Variants in SUCLG2 observed in about 807,000 individuals in gnomAD.
The protein encoded by SUCLG2 is succinate-CoA ligase GDP-forming subunit beta.
In SUCLG2, 42 loss-of-function variants were observed where a neutral mutation model predicts 47.9. That is an observed-to-expected ratio of 0.88 (90% CI 0.69 to 1.14). SUCLG2 has a LOEUF of 1.14. SUCLG2 is among the 50% of genes most tolerant of loss of function. SUCLG2 has a pLI of 0.00. For missense variants in SUCLG2, 571 were observed against 525.9 expected (o/e 1.09, Z -0.84); for synonymous variants, 195 against 197.3 (o/e 0.99, Z 0.10).
At chr3:67,505,699 C>T (rs1705617498) in intron 7 of SUCLG2, among the ~76,000 whole-genome samples, 1 of 152,182 alleles carries the variant, frequency 6.6e-6, no homozygotes, top group South Asian at 2.1e-4. Flanking sequence ...CAATGGATCA[C>T]ACCTGTAATC....
At chr3:67,641,543 T>G (rs868172717) in intron 1 of SUCLG2, among the ~76,000 whole-genome samples, 2 of 152,232 alleles carry the variant, frequency 1.3e-5, no homozygotes, top group African/African-American at 2.4e-5. Context: ...CACACCCACG[T>G]TGTCTCAATG....
chr3:67,626,116 T>C (rs911820115), intron 1 of SUCLG2, among the ~76,000 whole-genome samples: 1 of 151,378 alleles, frequency 6.6e-6, no homozygotes, highest in African/African-American at 2.4e-5. Flanking sequence ...GCCTCCCGGG[T>C]TCACGCCATT....
rs78677657 is a variant in SUCLG2 at position 67,479,714 on chromosome 3, G to A, written c.1062+16084C>T. Among the ~76,000 whole-genome samples the A allele has an allele frequency of 7.8e-3, 1,192 of 152,292 alleles. 18 individuals carry two copies. The highest frequency in any genetic ancestry group is 0.027 in the African/African-American group (1,125 of 41,562). On this transcript the variant is annotated intron_variant, in intron 9 of 10. Coordinates refer to ENST00000307227, the MANE Select transcript of SUCLG2 (RefSeq NM_003848.4). Reference sequence around the variant, plus strand: ...AAGAAGCAGTTGATGGTAACTTAACGGGGACAAAAATGAATTAGATCTACC... The same window carrying A: ...AAGAAGCAGTTGATGGTAACTTAACAGGGACAAAAATGAATTAGATCTACC...
At chr3:67,576,759 T>C (rs2107248237) in intron 2 of SUCLG2, among the ~76,000 whole-genome samples, 1 of 152,274 alleles carries the variant, frequency 6.6e-6, no homozygotes, top group Admixed American at 6.5e-5. Flanking sequence ...AATAAAAATA[T>C]CTCAAACTGG....
intron 9 of SUCLG2, among the ~76,000 whole-genome samples, chr3:67,454,978 A>G (rs898708687): frequency 2.0e-5 from 3 of 149,880 alleles, no homozygotes; most frequent in African/African-American, 7.3e-5. Context: ...AAAAAAAAAA[A>G]AAAGAAAATG....
intron 2 of SUCLG2, among the ~76,000 whole-genome samples, chr3:67,549,047 T>C (rs1200358873): frequency 6.6e-6 from 1 of 152,208 alleles, no homozygotes; most frequent in Non-Finnish European, 1.5e-5. Flanking sequence ...AAACAATTCA[T>C]TATTTATATA....
At chr3:67,565,036 T>TA (rs1043881844) in intron 2 of SUCLG2, among the ~76,000 whole-genome samples, 2 of 152,272 alleles carry the variant, frequency 1.3e-5, no homozygotes, top group Admixed American at 6.5e-5. Context: ...CATTTGAAAT[T>TA]AAAGTAATGA....
At chr3:67,555,896 T>C (rs531670262) in intron 2 of SUCLG2, among the ~76,000 whole-genome samples, 1 of 152,312 alleles carries the variant, frequency 6.6e-6, no homozygotes, top group East Asian at 1.9e-4. Flanking sequence ...ATGTCAAATC[T>C]AAGGTGGAGA....
intron 1 of SUCLG2, among the ~76,000 whole-genome samples, chr3:67,642,517 A>G (rs1377421278): frequency 6.6e-6 from 1 of 152,140 alleles, no homozygotes; most frequent in Non-Finnish European, 1.5e-5. Flanking sequence ...GGCTGAGAAC[A>G]GAGGATTCAT....
intron 9 of SUCLG2, among the ~76,000 whole-genome samples, chr3:67,434,935 G>T (rs7635889): frequency 0.032 from 4,842 of 152,238 alleles, 261 homozygotes; most frequent in African/African-American, 0.11. Flanking sequence ...CTGTTGTTAG[G>T]TAAGTTCTTC....
Position 67,403,996 on chromosome 3 carries a change from A to G in SUCLG2, c.1063-3145T>C, listed in dbSNP as rs532843947. Among the ~76,000 whole-genome samples the G allele has an allele frequency of 1.1e-4, 17 of 152,236 alleles. 1 individual carries two copies. Among genetic ancestry groups the G allele is most frequent in the South Asian group, 8.3e-4 (4 of 4,816 alleles). ...CGCCTCCTGGGTTCAAGTGGTTCTC[A>G]TACCTCAGCCTCCTGAGTAGCTGGG... On this transcript the variant is annotated intron_variant, in intron 9 of 10. Coordinates refer to ENST00000307227, the MANE Select transcript of SUCLG2 (RefSeq NM_003848.4).
In SUCLG2 at chr3:67,390,301, T is replaced by C. The variant is rs145101023; in HGVS notation, c.1183+10430A>G. ...TGCAGCCCACATTTTAAAGATTCTG[T>C]TGCCCACCCACAATGTATTAAAAAT... On this transcript the variant is annotated intron_variant, in intron 10 of 10. Coordinates refer to ENST00000307227, the MANE Select transcript of SUCLG2 (RefSeq NM_003848.4). Among the ~76,000 whole-genome samples, 186 of 152,326 alleles carry C rather than the reference T, an allele frequency of 1.2e-3. 4 individuals carry two copies. The East Asian group carries it at 0.035, about 28-fold the overall frequency.
chr3:67,637,491 T>A (rs1701029728), intron 1 of SUCLG2, among the ~76,000 whole-genome samples: 1 of 152,230 alleles, frequency 6.6e-6, no homozygotes, highest in Non-Finnish European at 1.5e-5. Context: ...GACATTTTAA[T>A]CAATAAAGTG....
chr3:67,476,324 C>G (rs1379301531), intron 9 of SUCLG2, among the ~76,000 whole-genome samples: 1 of 152,034 alleles, frequency 6.6e-6, no homozygotes, highest in African/African-American at 2.4e-5. Flanking sequence ...CCTGTCCGAT[C>G]AGTGGCGGGA....
At chr3:67,555,453 C>T (rs1707133581) in intron 2 of SUCLG2, among the ~76,000 whole-genome samples, 1 of 152,066 alleles carries the variant, frequency 6.6e-6, no homozygotes, top group South Asian at 2.1e-4. Context: ...AATGCCTCAA[C>T]AGTAATGATC....
intron 2 of SUCLG2, among the ~76,000 whole-genome samples, chr3:67,598,770 A>G (rs191500948): frequency 8.5e-4 from 129 of 152,308 alleles, no homozygotes; most frequent in African/African-American, 3.0e-3. Context: ...TATGAGCCAG[A>G]GACTGTTAAG....
chr3:67,635,996 A>C (rs1701003288), intron 1 of SUCLG2, among the ~76,000 whole-genome samples: 2 of 152,238 alleles, frequency 1.3e-5, no homozygotes, highest in African/African-American at 2.4e-5. Flanking sequence ...CACAGGAAAT[A>C]GGATCTGTCA....
intron 1 of SUCLG2, among the ~76,000 whole-genome samples, chr3:67,623,980 C>A (rs928375821): frequency 7.9e-5 from 12 of 152,228 alleles, no homozygotes; most frequent in Admixed American, 1.3e-4. Flanking sequence ...CCACACCCTG[C>A]AGTTAGCAAT....
At position 67,433,492 on chromosome 3, in the gene SUCLG2, C is replaced by T. The variant is rs539035329; in HGVS notation, c.1063-32641G>A. ...CGGTGGGTGTGGAAGGAGGGAGAATCCTTTCTAGAAGATGGGGGAGTGGGC... is the reference window on the plus strand; with the variant it reads ...CGGTGGGTGTGGAAGGAGGGAGAATTCTTTCTAGAAGATGGGGGAGTGGGC... On this transcript the variant is annotated intron_variant, in intron 9 of 10. Transcript: ENST00000307227. Among the ~76,000 whole-genome samples the T allele has an allele frequency of 3.9e-5, 6 of 152,150 alleles. No individual in the cohort carries two copies. The East Asian group carries it at 7.7e-4, about 20-fold the overall frequency.
Sources: gnomAD v4.1 joint callset for allele counts (sites outside exome capture counted in the v4.1 genomes callset) on GRCh38, gnomAD v4.1.1 for gene constraint, MANE v1.5 for transcripts, NCBI Gene and HGNC (gene_info 2026-07-23, HGNC 2026-07-21) for gene names.